Variants in PLEKHG1 observed in about 807,000 individuals in gnomAD.
PLEKHG1 encodes pleckstrin homology and RhoGEF domain containing G1.
A neutral mutation model predicts 100.8 loss-of-function variants in PLEKHG1; 44 were observed. The ratio of observed to expected loss-of-function variants is 0.44; its 90% confidence interval spans 0.34 to 0.56. PLEKHG1 has a LOEUF of 0.56. Ranked by LOEUF, PLEKHG1 falls within the 20% of genes least tolerant of loss-of-function variation. PLEKHG1 has a pLI of 0.01. For missense variants in PLEKHG1, 1,545 were observed against 1,720.9 expected (o/e 0.90, Z 1.81); for synonymous variants, 640 against 662.5 (o/e 0.97, Z 0.52).
intron 3 of PLEKHG1, chr6:150,686,959 C>T (rs1562436351): frequency 1.3e-5 from 2 of 152,644 alleles, no homozygotes; most frequent in Admixed American, 1.3e-4. Context: ...AACTTCTTAT[C>T]CGACCGAGCC....
At chr6:150,684,302 C>G (rs1177812776) in intron 3 of PLEKHG1, among the ~76,000 whole-genome samples, 1 of 152,174 alleles carries the variant, frequency 6.6e-6, no homozygotes, top group Non-Finnish European at 1.5e-5. Flanking sequence ...TAGATAGTTG[C>G]GTGAGACAAA....
intron 3 of PLEKHG1, among the ~76,000 whole-genome samples, chr6:150,682,588 C>T (rs186632964): frequency 3.9e-5 from 6 of 152,128 alleles, no homozygotes; most frequent in Non-Finnish European, 7.4e-5. Flanking sequence ...AAGCTGACAT[C>T]GGAGATTGTG....
chr6:150,808,121 A>G (rs1162061739), intron 7 of PLEKHG1, among the ~76,000 whole-genome samples: 3 of 152,210 alleles, frequency 2.0e-5, no homozygotes, highest in Non-Finnish European at 4.4e-5. Flanking sequence ...ACGGAGGCCC[A>G]TTTACCCTGA....
At chr6:150,829,620 T>G (rs1456448169) in intron 14 of PLEKHG1, among the ~76,000 whole-genome samples, 4 of 152,086 alleles carry the variant, frequency 2.6e-5, no homozygotes, top group East Asian at 3.9e-4. Flanking sequence ...CAGAGCGAGA[T>G]TCTGTGTCAA....
intron 3 of PLEKHG1, among the ~76,000 whole-genome samples, chr6:150,667,037 C>T (rs577974521): frequency 1.3e-5 from 2 of 152,204 alleles, no homozygotes; most frequent in East Asian, 1.9e-4. Flanking sequence ...GGATTACAGG[C>T]GTGAGCCACT....
At chr6:150,632,772 A>T (rs1432783769) in intron 1 of PLEKHG1, among the ~76,000 whole-genome samples, 1 of 152,264 alleles carries the variant, frequency 6.6e-6, no homozygotes, top group East Asian at 1.9e-4. Context: ...ACTTCAAGTG[A>T]TGTTTTAAAG....
At chr6:150,637,871 G>A (rs1778078003) in intron 1 of PLEKHG1, among the ~76,000 whole-genome samples, 1 of 152,098 alleles carries the variant, frequency 6.6e-6, no homozygotes, top group Admixed American at 6.5e-5. Flanking sequence ...CGAGTAGGTG[G>A]ATTTTAGGCC....
At chr6:150,748,779 T>C (rs1482040313) in intron 2 of PLEKHG1, among the ~76,000 whole-genome samples, 1 of 151,526 alleles carries the variant, frequency 6.6e-6, no homozygotes, top group East Asian at 1.9e-4. Flanking sequence ...ACCCCCACCA[T>C]GCCCGGCTAA....
chr6:150,650,952 A>C (rs1168297912), intron 3 of PLEKHG1, 166 bp downstream of exon 2: 1 of 152,192 alleles, frequency 6.6e-6, no homozygotes. Flanking sequence ...AATATGTTCC[A>C]AGCGCCCCGT....
Position 150,758,596 on chromosome 6 carries a change from A to G in PLEKHG1, c.412-10042A>G, listed in dbSNP as rs556868738. Among the ~76,000 whole-genome samples, 15 of 152,272 alleles carry G rather than the reference A, an allele frequency of 9.9e-5. No homozygotes were observed. In the South Asian group the frequency reaches 2.7e-3, roughly 27 times the overall value. On this transcript the variant is annotated intron_variant, in intron 2 of 15. Coordinates refer to ENST00000358517, the Ensembl canonical transcript of PLEKHG1. ...GTGATCTGCCTGCCTTGGCCTCCCA[A>G]AGTGCTGGGATTACAGGCGTGAGCC...
At chr6:150,611,297 T>C (rs1776817209) in intron 1 of PLEKHG1, among the ~76,000 whole-genome samples, 1 of 152,240 alleles carries the variant, frequency 6.6e-6, no homozygotes, top group Non-Finnish European at 1.5e-5. Context: ...AGTCTGTGTT[T>C]GTTATTCTCA....
At chr6:150,659,912 C>T (rs1338864206) in intron 3 of PLEKHG1, among the ~76,000 whole-genome samples, 3 of 152,138 alleles carry the variant, frequency 2.0e-5, no homozygotes, top group African/African-American at 7.2e-5. Flanking sequence ...CAGTCTGGTG[C>T]CTTACATGTA....
rs76221782 is a variant in PLEKHG1, at chr6:150,624,090, G to A, written c.-203-13990G>A. On this transcript the variant is annotated intron_variant, in intron 1 of 3. Coordinates refer to the PLEKHG1 transcript ENST00000367326. ...CATCTATGTTAGGCACAATCCTCAT[G>A]TAAGATCCTGCAGTGACTACATGGT... 5.8e-3 allele frequency among the ~76,000 whole-genome samples: 890 copies of A among 152,342 alleles called. 7 individuals are homozygous for A. Among genetic ancestry groups the A allele is most frequent in the African/African-American group, 0.021 (856 of 41,576 alleles).
intron 3 of PLEKHG1, among the ~76,000 whole-genome samples, chr6:150,686,111 C>T (rs1489031257): frequency 6.6e-6 from 1 of 152,232 alleles, no homozygotes; most frequent in African/African-American, 2.4e-5. Context: ...GTAGGGGGCA[C>T]ACGGGAGCAG....
At chr6:150,797,553 G>A (rs1043742353) in intron 5 of PLEKHG1, among the ~76,000 whole-genome samples, 1 of 149,946 alleles carries the variant, frequency 6.7e-6, no homozygotes, top group East Asian at 2.0e-4. Flanking sequence ...CCCAAGAAGC[G>A]GCTGGATACA....
At chr6:150,640,574 C>T (rs193074900) in intron 2 of PLEKHG1, among the ~76,000 whole-genome samples, 25 of 152,094 alleles carry the variant, frequency 1.6e-4, no homozygotes, top group Admixed American at 3.9e-4. Context: ...ATATATCATC[C>T]GGACTCTCCC....
chr6:150,800,287 A>G (rs1313467464), intron 5 of PLEKHG1, among the ~76,000 whole-genome samples: 1 of 152,210 alleles, frequency 6.6e-6, no homozygotes, highest in Non-Finnish European at 1.5e-5. Flanking sequence ...TCCAGCAGGA[A>G]GGAACTCCTT....
chr6:150,620,924 A>AAATTC (rs1485054116), intron 1 of PLEKHG1, among the ~76,000 whole-genome samples: 2 of 152,216 alleles, frequency 1.3e-5, no homozygotes, highest in African/African-American at 4.8e-5. Context: ...CCCAAATAAA[A>AAATTC]CTTGGTTGTT....
chr6:150,775,988 G>A (rs1784939445), intron 3 of PLEKHG1, among the ~76,000 whole-genome samples: 1 of 152,146 alleles, frequency 6.6e-6, no homozygotes, highest in South Asian at 2.1e-4. Context: ...AACGGGAAAG[G>A]GAAGTGCTGC....
Sources: gnomAD v4.1 joint callset for allele counts (sites outside exome capture counted in the v4.1 genomes callset) on GRCh38, gnomAD v4.1.1 for gene constraint, MANE v1.5 for transcripts, NCBI Gene and HGNC (gene_info 2026-07-23, HGNC 2026-07-21) for gene names.